The following CCDC170 variants were observed in gnomAD, a reference collection of about 807,000 sequenced individuals.
CCDC170 encodes coiled-coil domain-containing protein 170.
In CCDC170, 69 loss-of-function variants were observed where a neutral mutation model predicts 72.6. That is an observed-to-expected ratio of 0.95 (90% CI 0.78 to 1.16). The LOEUF (loss-of-function observed/expected upper bound fraction) is 1.16, where lower values mean the gene tolerates loss of function less well. CCDC170 is among the 50% of genes most tolerant of loss of function. The pLI, the probability that CCDC170 is intolerant of heterozygous loss-of-function variation, is 0.00. For synonymous variants in CCDC170, 300 were observed against 303.9 expected (o/e 0.99, Z 0.13); for missense variants, 852 against 832.5 (o/e 1.02, Z -0.29).
chr6:151,524,555 G>C (rs1782373031), intron 1 of CCDC170, among the ~76,000 whole-genome samples: 1 of 152,156 alleles, frequency 6.6e-6, no homozygotes, highest in Non-Finnish European at 1.5e-5. Flanking sequence ...GCTTCCAGTT[G>C]TCTTTTACTT....
At chr6:151,597,068 C>G (rs565164840) in intron 9 of CCDC170, among the ~76,000 whole-genome samples, 55 of 152,290 alleles carry the variant, frequency 3.6e-4, no homozygotes, top group African/African-American at 1.2e-3. Flanking sequence ...TCAGGTGATC[C>G]GCCCGCCTTG....
At chr6:151,494,209 G>C in intron 1 of CCDC170, 24 bp downstream of exon 1, 1 of 1,494,604 alleles carries the variant, frequency 6.7e-7, no homozygotes, top group Non-Finnish European at 8.9e-7. Flanking sequence ...CGCCGGCCGC[G>C]CGCGGGGGTG....
Position 151,611,149 on chromosome 6 carries a change from G to A in CCDC170, c.1711-4294G>A, listed in dbSNP as rs1038716583. Among the ~76,000 whole-genome samples, 10 of 152,010 alleles carry A rather than the reference G, an allele frequency of 6.6e-5. No individual in the cohort carries two copies. The South Asian group carries it at 2.1e-3, about 32-fold the overall frequency. On this transcript the variant is annotated intron_variant, in intron 9 of 10. Transcript: ENST00000239374. ...AAATTAGCCAGGAGTGGTGGCGTGC[G>A]CCTGCAGTCCAGCTACTCTGGAGGC...
chr6:151,526,114 TCC>T (rs1562271428), intron 1 of CCDC170, among the ~76,000 whole-genome samples: 3 of 150,858 alleles, frequency 2.0e-5, no homozygotes, highest in Admixed American at 2.0e-4. Context: ...CTTCCTTCCT[TCC>T]TTTCTTCCTT....
chr6:151,594,628 G>T (rs1776593163), intron 8 of CCDC170, among the ~76,000 whole-genome samples: 1 of 151,048 alleles, frequency 6.6e-6, no homozygotes. Flanking sequence ...GTGTAAAATT[G>T]CAATGGAGTG....
chr6:151,596,675 A>T, intron 9 of CCDC170, 98 bp downstream of exon 9: 1 of 1,484,968 alleles, frequency 6.7e-7, no homozygotes, highest in South Asian at 1.4e-5. Context: ...CCAGAAGAAG[A>T]AAGATGAAAG....
At chr6:151,539,324 C>G (rs1562275774) in intron 3 of CCDC170, among the ~76,000 whole-genome samples, 1 of 152,124 alleles carries the variant, frequency 6.6e-6, no homozygotes, top group African/African-American at 2.4e-5. Context: ...GGAATCTGCT[C>G]CACTGAAACC....
chr6:151,603,047 C>G (rs1189691507), intron 9 of CCDC170, among the ~76,000 whole-genome samples: 1 of 152,024 alleles, frequency 6.6e-6, no homozygotes, highest in Non-Finnish European at 1.5e-5. Flanking sequence ...GTGATCCACC[C>G]TCCTCGGCCT....
In CCDC170 at chr6:151,595,993, G is replaced by C. The variant is rs1280131918; in HGVS notation, c.1468-342G>C. 3.9e-5 allele frequency among the ~76,000 whole-genome samples: 6 copies of C among 152,232 alleles called. No individual in the cohort carries two copies. In the East Asian group the frequency reaches 1.2e-3, roughly 29 times the overall value. On this transcript the variant is annotated intron_variant, in intron 8 of 10. Coordinates refer to ENST00000239374, the MANE Select transcript of CCDC170 (RefSeq NM_025059.4). ...ATGTTGGACAGGATTTTGTCTCTCT[G>C]TCTTATTACATTCTGCTCTGATAAA... is the stretch of plus-strand genomic sequence containing the variant.
intron 5 of CCDC170, among the ~76,000 whole-genome samples, chr6:151,568,579 C>T (rs775740268): frequency 6.6e-6 from 1 of 152,168 alleles, no homozygotes; most frequent in Non-Finnish European, 1.5e-5. Context: ...GGCTACAATT[C>T]CCTTCTCTAG....
intron 3 of CCDC170, 108 bp downstream of exon 3, chr6:151,538,409 A>C: frequency 8.7e-7 from 1 of 1,149,910 alleles, no homozygotes; most frequent in South Asian, 1.5e-5. Flanking sequence ...CTTGGCCCTT[A>C]AACTCAATTT....
chr6:151,541,166 T>C (rs73615743), intron 3 of CCDC170, among the ~76,000 whole-genome samples: 6,809 of 152,228 alleles, frequency 0.045, 462 homozygotes, highest in African/African-American at 0.14. Flanking sequence ...CATGGCTGCC[T>C]CCATTTCCTT....
intron 9 of CCDC170, among the ~76,000 whole-genome samples, chr6:151,610,667 A>T (rs76852229): frequency 9.2e-5 from 14 of 152,330 alleles, no homozygotes; most frequent in Non-Finnish European, 1.8e-4. Context: ...TATGCAGTTC[A>T]TAATCAAATA....
chr6:151,521,089 G>C (rs554810423), intron 1 of CCDC170, among the ~76,000 whole-genome samples: 86 of 152,284 alleles, frequency 5.6e-4, no homozygotes, highest in Non-Finnish European at 9.0e-4. Flanking sequence ...AGAATGAGAG[G>C]ATTACTATGA....
intron 1 of CCDC170, among the ~76,000 whole-genome samples, chr6:151,496,057 T>G (rs1271040274): frequency 6.6e-6 from 1 of 152,180 alleles, no homozygotes; most frequent in African/African-American, 2.4e-5. Context: ...CACATTTTTT[T>G]TGTTTGTTTT....
chr6:151,536,514 C>T (rs755048144), intron 2 of CCDC170, 68 bp downstream of exon 2: 28 of 1,559,460 alleles, frequency 1.8e-5, no homozygotes, highest in East Asian at 2.3e-5. Flanking sequence ...AAACAGATCA[C>T]GCCTGTAATC....
chr6:151,574,321 G>C (rs6909279), intron 6 of CCDC170, among the ~76,000 whole-genome samples: 69,114 of 152,126 alleles, frequency 0.45, 18,133 homozygotes, highest in Non-Finnish European at 0.59. Flanking sequence ...AGTTGGACCT[G>C]CCTGGTGCTG....
Position 151,596,553 on chromosome 6 carries a change from A to C in CCDC170, c.1686A>C (p.Lys562Asn). 6.2e-7 allele frequency: 1 copy of C among 1,614,126 alleles called. No homozygotes were observed. The highest frequency in any genetic ancestry group is 8.5e-7 in the Non-Finnish European group (1 of 1,179,994). The stretch of plus-strand genomic sequence containing the variant: ...ACTTGCACACCGAGCTCAAAGCCAA[A>C]CTGGCCGACACCAATGAACTGAAGG... ...CRDLHTELKAKLADTNELKIK... is the reference protein window; with the variant it reads ...CRDLHTELKANLADTNELKIK... The change falls in exon 9 of 11, where the codon AAA becomes AAC. Residue 562 changes from lysine to asparagine, a missense_variant. By Grantham distance (94) the Lys-to-Asn change is moderately conservative. Coordinates refer to ENST00000239374, the MANE Select transcript of CCDC170 (RefSeq NM_025059.4).
rs1394313654 is a variant in CCDC170, at chr6:151,526,502, G to A, written c.58-9816G>A. Among the ~76,000 whole-genome samples, 4 of 148,542 alleles carry A rather than the reference G, an allele frequency of 2.7e-5. No individual in the cohort carries two copies. In the East Asian group the frequency reaches 5.9e-4, roughly 22 times the overall value. ...CCCATAGTACTGGGATTACAGGCAT[G>A]AGCCACCCCGCCTGGCCTTTTTTTT... On this transcript the variant is annotated intron_variant, in intron 1 of 10. Transcript: ENST00000239374.
Sources: gnomAD v4.1 joint callset for allele counts (sites outside exome capture counted in the v4.1 genomes callset) on GRCh38, gnomAD v4.1.1 for gene constraint, MANE v1.5 for transcripts, NCBI Gene and HGNC (gene_info 2026-07-23, HGNC 2026-07-21) for gene names.